Variants in CDKL5 observed in about 807,000 individuals in gnomAD.
CDKL5 encodes the protein cyclin dependent kinase like 5.
A neutral mutation model predicts 61.7 loss-of-function variants in CDKL5; 8 were observed. That is an observed-to-expected ratio of 0.13 (90% confidence interval 0.08 to 0.23). The LOEUF (loss-of-function observed/expected upper bound fraction) is 0.23. Ranked by LOEUF, CDKL5 falls within the 10% of genes least tolerant of loss-of-function variation. The pLI is 1.00. For missense variants in CDKL5, 440 were observed against 734.5 expected, an observed-to-expected ratio of 0.60 and a Z score of 4.63; for synonymous variants, 275 against 272.3, an observed-to-expected ratio of 1.01 and a Z score of -0.10.
At chrX:18,450,148 C>T (rs1355788301) in intron 1 of CDKL5, among the ~76,000 whole-genome samples, 1 of 111,794 alleles carries the variant, frequency 8.9e-6, no homozygotes, top group Non-Finnish European at 1.9e-5. Flanking sequence ...AGATATGGCC[C>T]GGTCCCCTTA....
At chrX:18,620,328 G>T (rs920248180) in intron 16 of CDKL5, among the ~76,000 whole-genome samples, 2 of 112,127 alleles carry the variant, frequency 1.8e-5, no homozygotes, top group Non-Finnish European at 3.8e-5. Context: ...ATGGGTTTTG[G>T]TTTACTTTTA....
intron 5 of CDKL5, among the ~76,000 whole-genome samples, chrX:18,576,175 T>C (rs1385414345): frequency 9.0e-6 from 1 of 111,599 alleles, no homozygotes; most frequent in Non-Finnish European, 1.9e-5. Flanking sequence ...ACACCTGTAA[T>C]CCCAGCACTT....
At chrX:18,489,201 C>T (rs749159760) in intron 1 of CDKL5, among the ~76,000 whole-genome samples, 27 of 110,897 alleles carry the variant, frequency 2.4e-4, no homozygotes, top group African/African-American at 8.5e-4. Context: ...TCACTGCAAC[C>T]TCCGCCTCCC....
chrX:18,426,404 C>CTCCCAGAACGT (rs1931369487), intron 1 of CDKL5: 3 of 112,731 alleles, frequency 2.7e-5, no homozygotes, highest in Non-Finnish European at 5.6e-5. Context: ...ACGAACAGGT[C>CTCCCAGAACGT]CTCCTTGCAT....
intron 14 of CDKL5, among the ~76,000 whole-genome samples, chrX:18,611,212 C>T (rs753416329): frequency 3.9e-4 from 43 of 110,505 alleles, no homozygotes; most frequent in Non-Finnish European, 7.6e-4. Context: ...AGGAGGATCA[C>T]GAGGTCAGGA....
At position 18,441,874 on chromosome X, in the gene CDKL5, G is replaced by A. The variant is rs182790799; in HGVS notation, c.-163+16179G>A. ...TTTGTTTGCTTGGAGGTGGGGAGGGGTGATAGGATGTGGTCTCTGTTCTTG... is the reference window on the plus strand; with the variant it reads ...TTTGTTTGCTTGGAGGTGGGGAGGGATGATAGGATGTGGTCTCTGTTCTTG... On this transcript the variant is annotated intron_variant, in intron 1 of 17. Coordinates refer to ENST00000623535, the MANE Select transcript of CDKL5 (RefSeq NM_001323289.2). 6.4e-3 allele frequency among the ~76,000 whole-genome samples: 704 copies of A among 110,713 alleles called. 9 individuals carry two copies. The highest frequency in any genetic ancestry group is 0.021 in the African/African-American group (652 of 30,405).
At chrX:18,517,257 C>T (rs1043200398) in intron 3 of CDKL5, among the ~76,000 whole-genome samples, 3 of 111,194 alleles carry the variant, frequency 2.7e-5, no homozygotes, top group Admixed American at 9.6e-5. Flanking sequence ...ATCGTTTCCC[C>T]GCTCACTTCT....
Position 18,608,919 on chromosome X carries a change from C to T in CDKL5, c.2046+7C>T. 9.0e-7 allele frequency: 1 copy of T among 1,113,611 alleles called. No homozygotes were observed. Among genetic ancestry groups the T allele is most frequent in the Non-Finnish European group, 1.2e-6 (1 of 806,192 alleles). 91.8% of individuals were successfully genotyped at this position (1,113,611 alleles called of 1,213,427 possible). A position where few individuals can be genotyped will look rare whatever the true frequency, so the allele number is the denominator to read the frequency against. ...TACACGCCAGAAGTCTGAGGTATGT[C>T]ACAATAAAATATGCCTGTAAACATT... is the stretch of plus-strand genomic sequence containing the variant. On this transcript the variant is annotated splice_region_variant and intron_variant, in intron 13 of 17. Transcript: ENST00000623535.
intron 2 of CDKL5, among the ~76,000 whole-genome samples, chrX:18,509,159 CTCCA>C (rs1922703260): frequency 1.1e-5 from 1 of 93,739 alleles, no homozygotes; most frequent in African/African-American, 4.0e-5. Context: ...TGCCACTGCA[CTCCA>C]GCCTGATGAG....
intron 15 of CDKL5, among the ~76,000 whole-genome samples, chrX:18,617,162 T>C (rs1926744273): frequency 8.9e-6 from 1 of 112,153 alleles, no homozygotes; most frequent in African/African-American, 3.2e-5. Flanking sequence ...TTTGGAATTG[T>C]GTCTCCTCTT....
intron 1 of CDKL5, among the ~76,000 whole-genome samples, chrX:18,487,309 CTGTTT>C (rs1210553071): frequency 8.9e-6 from 1 of 111,852 alleles, no homozygotes; most frequent in African/African-American, 3.2e-5. Flanking sequence ...TTGGAGTGAG[CTGTTT>C]TGTTTTGTTT....
chrX:18,481,985 T>TG (rs1452793465), intron 1 of CDKL5, among the ~76,000 whole-genome samples: 3 of 110,691 alleles, frequency 2.7e-5, no homozygotes, highest in African/African-American at 9.8e-5. Context: ...GGCATAGAGC[T>TG]GGGGGTGAGG....
At chrX:18,601,909 A>G (rs142122834) in intron 11 of CDKL5, among the ~76,000 whole-genome samples, 103 of 111,558 alleles carry the variant, frequency 9.2e-4, no homozygotes, top group African/African-American at 3.2e-3. Flanking sequence ...TTATCTGTCT[A>G]CGATTACTAT....
At chrX:18,597,526 A>C (rs753747418) in intron 10 of CDKL5, among the ~76,000 whole-genome samples, 2 of 110,816 alleles carry the variant, frequency 1.8e-5, no homozygotes, top group African/African-American at 3.3e-5. Context: ...ACTTTTAAAA[A>C]AATGTAAAAG....
intron 1 of CDKL5, among the ~76,000 whole-genome samples, chrX:18,446,941 G>A (rs748905679): frequency 1.6e-4 from 18 of 111,639 alleles, no homozygotes; most frequent in Non-Finnish European, 2.3e-4. Flanking sequence ...GCTGTTTGAG[G>A]CAGTCCTTTG....
At chrX:18,565,657 A>G (rs181254998) in intron 4 of CDKL5, among the ~76,000 whole-genome samples, 9 of 112,364 alleles carry the variant, frequency 8.0e-5, no homozygotes, top group Admixed American at 6.6e-4. Context: ...AGCAAACATT[A>G]AATAACAAAA....
chrX:18,647,272 G>T (rs1238886122), intron 20 of CDKL5: 2 of 1,210,462 alleles, frequency 1.7e-6, no homozygotes, highest in Non-Finnish European at 2.2e-6. Context: ...GTTAGAGCAG[G>T]TGATCTGGTC....
intron 3 of CDKL5, among the ~76,000 whole-genome samples, chrX:18,561,498 C>G (rs1172628875): frequency 9.1e-6 from 1 of 110,371 alleles, no homozygotes; most frequent in East Asian, 2.8e-4. Flanking sequence ...CAGTCAAACC[C>G]TCCTCTCAAA....
At chrX:18,439,566 G>T (rs1293603511) in intron 1 of CDKL5, among the ~76,000 whole-genome samples, 6 of 111,347 alleles carry the variant, frequency 5.4e-5, no homozygotes, top group Non-Finnish European at 9.4e-5. Flanking sequence ...TTGGCTGGGC[G>T]TGGTGGCTCA....
Sources: allele counts gnomAD v4.1 joint callset (sites outside exome capture counted in the v4.1 genomes callset), GRCh38; gene constraint gnomAD v4.1.1; transcripts MANE v1.5; gene names NCBI Gene and HGNC (gene_info 2026-07-23, HGNC 2026-07-21).